PCDHGA3: variants seen among roughly 807,000 people sequenced by gnomAD.
PCDHGA3 encodes protocadherin gamma subfamily A, 3.
Under a neutral mutation model 58.5 loss-of-function variants are expected in PCDHGA3, and 40 were observed. The ratio of observed to expected loss-of-function variants is 0.68; its 90% CI spans 0.53 to 0.89. PCDHGA3 has a LOEUF of 0.89. PCDHGA3 is among the 40% of genes least tolerant of loss of function. The probability of loss-of-function intolerance (pLI) is 0.00; values close to 1 mark genes in which losing one functional copy is unlikely to be tolerated. For synonymous variants in PCDHGA3, 530 were observed against 525.7 expected, an observed-to-expected ratio of 1.01 and a Z score of -0.11; for missense variants, 1,223 against 1,195.9, an observed-to-expected ratio of 1.02 and a Z score of -0.33.
rs367793525 is a variant in PCDHGA3, at chr5:141,352,460, G to C, written c.2424+6003G>C. On this transcript the variant is annotated intron_variant, in intron 1 of 3. Transcript: ENST00000253812. ...CGGTCTCTGCTCCAAGTCTGGGCCC[G>C]GGGTTCCTCCCAACCACAGCGAGGG... The C allele has an allele frequency of 5.9e-5, 95 of 1,613,896 alleles. No homozygotes were observed. The highest frequency in any genetic ancestry group is 2.3e-4 in the African/African-American group (17 of 74,932).
At chr5:141,407,347 TG>T (rs1273387665) in intron 1 of PCDHGA3, among the ~76,000 whole-genome samples, 1 of 152,176 alleles carries the variant, frequency 6.6e-6, no homozygotes, top group Non-Finnish European at 1.5e-5. Flanking sequence ...TATGTTAATT[TG>T]GGGAAAACAT....
chr5:141,399,753 G>A (rs1418820057), intron 1 of PCDHGA3: 6 of 1,613,252 alleles, frequency 3.7e-6, no homozygotes, highest in Middle Eastern at 1.7e-4. Flanking sequence ...GCGCAAACGT[G>A]AGCCTGCGCG....
intron 1 of PCDHGA3, chr5:141,419,926 G>C (rs1371764532): frequency 7.4e-6 from 12 of 1,613,978 alleles, no homozygotes; most frequent in Non-Finnish European, 8.5e-6. Flanking sequence ...CTGAGATGCA[G>C]TTTTACCTGG....
rs753022372 is a variant in PCDHGA3, at chr5:141,350,463, C to T, written c.2424+4006C>T. On this transcript the variant is annotated intron_variant, in intron 1 of 3. Transcript: ENST00000253812. ...CCAACTCGAAAACTGCGGGTTAGTG[C>T]AGAGGATTATTTCAACGTTAGTTTG... 1.9e-6 allele frequency: 3 copies of T among 1,613,812 alleles called. No homozygotes were observed. In the South Asian group the frequency reaches 3.3e-5, roughly 18 times the overall value.
rs532087470 is a variant in PCDHGA3, at chr5:141,414,020, C to T, written c.2424+67563C>T. 9 of 1,612,620 alleles carry T rather than the reference C, an allele frequency of 5.6e-6. No homozygotes were observed. The East Asian group carries it at 1.8e-4, about 32-fold the overall frequency. The stretch of plus-strand genomic sequence containing the variant: ...GACGAAGGTGCCAATGGAGAAGTGA[C>T]ATATTCATTCCGAAAATTACCTGAC... On this transcript the variant is annotated intron_variant, in intron 1 of 3. Transcript: ENST00000253812.
At chr5:141,415,258 C>G (rs1228702476) in intron 1 of PCDHGA3, 1 of 1,614,214 alleles carries the variant, frequency 6.2e-7, no homozygotes, top group Non-Finnish European at 8.5e-7. Context: ...AGACCTCACT[C>G]TGTACCTGGT....
At chr5:141,420,546 G>A in intron 1 of PCDHGA3, 1 of 284,254 alleles carries the variant, frequency 3.5e-6, no homozygotes, top group South Asian at 1.2e-4. Context: ...ATAAAATACA[G>A]GTATATTTTT....
intron 1 of PCDHGA3, among the ~76,000 whole-genome samples, chr5:141,420,643 A>G (rs145459829): frequency 0.01 from 1,535 of 152,326 alleles, 17 homozygotes; most frequent in Non-Finnish European, 0.013. Flanking sequence ...GGAACCTTGT[A>G]AGAATTATAG....
rs745638360 is a variant in PCDHGA3, at chr5:141,410,529, A to G, written c.2424+64072A>G. Reference sequence around the variant, plus strand: ...AAATGCAGTGTGCCCCTACATTCCAATGAAGACATGGTTTGCAGTGTTTCT... The same window carrying G: ...AAATGCAGTGTGCCCCTACATTCCAGTGAAGACATGGTTTGCAGTGTTTCT... On this transcript the variant is annotated intron_variant, in intron 1 of 3. Transcript: ENST00000253812. The G allele has an allele frequency of 3.1e-6, 5 of 1,613,804 alleles. No individual in the cohort carries two copies. The Admixed American group carries it at 5.0e-5, about 16-fold the overall frequency.
rs1757680844 is a variant in PCDHGA3, at chr5:141,346,007, C to A, written c.1974C>A (p.Val658=). The A allele has an allele frequency of 1.2e-6, 2 of 1,613,382 alleles. No homozygotes were observed. Among genetic ancestry groups the A allele is most frequent in the African/African-American group, 2.7e-5 (2 of 74,936 alleles). The change falls in exon 1 of 4, where the codon GTC becomes GTA. Residue 658 remains valine, a synonymous_variant. Coordinates refer to ENST00000253812, the MANE Select transcript of PCDHGA3 (RefSeq NM_018916.4). ...GCCAGCCCCCTCTCTCCGCCACTGT[C>A]ACGCTCACCGTGGCCGTGGCCGACA... is the stretch of plus-strand genomic sequence containing the variant. ...DHGQPPLSAT[V]TLTVAVADRI...
Position 141,431,135 on chromosome 5 carries a change from A to C in PCDHGA3, c.2425-63672A>C. ...TGGAGTAGAAGTAGAAGTAAGGGAC[A>C]TTAACGACAATGCGCCTTACTTTCG... On this transcript the variant is annotated intron_variant, in intron 1 of 3. Coordinates refer to ENST00000253812, the MANE Select transcript of PCDHGA3 (RefSeq NM_018916.4). The surrounding 1 kb of genome is among the most constrained non-coding windows in gnomAD (Gnocchi z 4.8). 1 of 1,614,266 alleles carries C rather than the reference A, an allele frequency of 6.2e-7. No homozygotes were observed. Among genetic ancestry groups the C allele is most frequent in the Non-Finnish European group, 8.5e-7 (1 of 1,180,042 alleles).
intron 1 of PCDHGA3, chr5:141,383,949 G>T (rs538018556): frequency 4.3e-6 from 7 of 1,613,584 alleles, no homozygotes; most frequent in Non-Finnish European, 5.9e-6. Context: ...TGACTATGAC[G>T]TCTTTAAGTA....
At chr5:141,384,644 C>A (rs757384812) in intron 1 of PCDHGA3, 2 of 1,614,116 alleles carry the variant, frequency 1.2e-6, no homozygotes, top group African/African-American at 1.3e-5. Context: ...CCCCGCTCCG[C>A]AGAGCCCGGC....
rs1253423961 is a variant in PCDHGA3 at position 141,345,917 on chromosome 5, G to A, written c.1884G>A (p.Thr628=). ...SVGLHTGEVR[T]ARALLDRDAL... ...GTCTGCACACGGGCGAGGTGCGCACGGCGCGAGCCCTGCTGGACAGAGACG... is the reference window on the plus strand; with the variant it reads ...GTCTGCACACGGGCGAGGTGCGCACAGCGCGAGCCCTGCTGGACAGAGACG... Residue 628 remains threonine (T), a synonymous_variant, in exon 1 of 4, where the codon ACG becomes ACA. Transcript: ENST00000253812. 5.6e-6 allele frequency: 9 copies of A among 1,613,326 alleles called. No homozygotes were observed. Among genetic ancestry groups the A allele is most frequent in the Non-Finnish European group, 7.6e-6 (9 of 1,179,838 alleles).
Position 141,485,831 on chromosome 5 carries a change from C to T in PCDHGA3, c.2425-8976C>T. 1 of 1,614,080 alleles carries T rather than the reference C, an allele frequency of 6.2e-7. No individual in the cohort carries two copies. The highest frequency in any genetic ancestry group is 8.5e-7 in the Non-Finnish European group (1 of 1,180,026). ...GCTGACTGCTGTCGATGGAGGGAAC[C>T]CGCCGAGATCTGGCACCGCAGAGCT... On this transcript the variant is annotated intron_variant, in intron 1 of 3. Coordinates refer to ENST00000253812, the MANE Select transcript of PCDHGA3 (RefSeq NM_018916.4). This position sits in a 1 kb window ranked among gnomAD's most constrained non-coding sequence, Gnocchi z 5.7.
chr5:141,357,552 T>C (rs761940200), intron 1 of PCDHGA3: 4 of 1,613,800 alleles, frequency 2.5e-6, no homozygotes, highest in South Asian at 2.2e-5. Context: ...GCCGGGAGAG[T>C]TGTGAGAAAA....
intron 1 of PCDHGA3, chr5:141,414,700 A>G (rs886960965): frequency 6.2e-7 from 1 of 1,613,994 alleles, no homozygotes. Context: ...GTCCTCATAC[A>G]TATCCATCAA....
At chr5:141,377,813 T>C (rs1254239547) in intron 1 of PCDHGA3, 2 of 152,194 alleles carry the variant, frequency 1.3e-5, no homozygotes, top group African/African-American at 2.4e-5. Flanking sequence ...TGTTATTTAC[T>C]TGGGCCAGTT....
intron 1 of PCDHGA3, chr5:141,366,176 C>G (rs1764373617): frequency 1.2e-6 from 2 of 1,613,926 alleles, no homozygotes; most frequent in Admixed American, 3.3e-5. Flanking sequence ...CGAGCCAGGA[C>G]TCTTTGCGGT....
Sources: allele counts gnomAD v4.1 joint callset (sites outside exome capture counted in the v4.1 genomes callset), GRCh38; gene constraint gnomAD v4.1.1; non-coding constraint Gnocchi (gnomAD v3.1); transcripts MANE v1.5; gene names NCBI Gene and HGNC (gene_info 2026-07-23, HGNC 2026-07-21).